The following KIAA1217 variants were observed in gnomAD, a reference collection of about 807,000 sequenced individuals.
KIAA1217 encodes KIAA1217.
KIAA1217 carries 88 observed loss-of-function variants against 163.9 expected under a neutral mutation model. That is an observed-to-expected ratio of 0.54 (90% CI 0.45 to 0.64). The LOEUF is 0.64. Among genes scored for constraint, KIAA1217 ranks in the 30% least tolerant of loss-of-function variants. The pLI, the probability that KIAA1217 is intolerant of heterozygous loss-of-function variation, is 0.00. For missense variants in KIAA1217, 2,372 were observed against 2,475.0 expected (o/e 0.96, Z 0.88); for synonymous variants, 903 against 923.1 (o/e 0.98, Z 0.39).
At chr10:23,809,283 G>A (rs1253582346) in intron 1 of KIAA1217, among the ~76,000 whole-genome samples, 1 of 151,936 alleles carries the variant, frequency 6.6e-6, no homozygotes, top group African/African-American at 2.4e-5. Flanking sequence ...GATAACAAGG[G>A]ACATAGGTTG....
intron 5 of KIAA1217, among the ~76,000 whole-genome samples, chr10:24,452,299 G>T (rs2061432853): frequency 6.6e-6 from 1 of 152,044 alleles, no homozygotes; most frequent in Non-Finnish European, 1.5e-5. Context: ...TGCACCACCG[G>T]TGCTCCCTCA....
chr10:24,114,536 C>G (rs1204306309), intron 2 of KIAA1217, among the ~76,000 whole-genome samples: 4 of 152,140 alleles, frequency 2.6e-5, no homozygotes. Flanking sequence ...TGTATCTTCT[C>G]TGCACCAGGT....
chr10:24,089,427 A>G (rs1679451821), intron 2 of KIAA1217, among the ~76,000 whole-genome samples: 1 of 125,348 alleles, frequency 8.0e-6, no homozygotes, highest in East Asian at 1.9e-4. Context: ...TTATGGTTTT[A>G]GGTCTAACAT....
At chr10:23,795,903 C>T (rs571167857) in intron 1 of KIAA1217, among the ~76,000 whole-genome samples, 1 of 152,308 alleles carries the variant, frequency 6.6e-6, no homozygotes, top group African/African-American at 2.4e-5. Flanking sequence ...CACCTTGTGA[C>T]TCTGACTTGC....
chr10:24,194,872 T>A (rs1466997204), intron 2 of KIAA1217, among the ~76,000 whole-genome samples: 1 of 144,450 alleles, frequency 6.9e-6, no homozygotes, highest in East Asian at 2.2e-4. Flanking sequence ...CCTCCCAAAA[T>A]ACTGGGATTA....
In KIAA1217 at chr10:24,544,595, T is replaced by G. The variant is rs1030239518; in HGVS notation, c.5211+114T>G. On this transcript the variant is annotated intron_variant, in intron 19 of 20. Coordinates refer to ENST00000376454, the MANE Select transcript of KIAA1217 (RefSeq NM_019590.5). ...ATTGCTTTCTTTCAGGTGGCTTTTT[T>G]TTTTTTGTCTGTTCGCCATGAAACC... is the stretch of plus-strand genomic sequence containing the variant. 8 of 1,286,614 alleles carry G rather than the reference T, an allele frequency of 6.2e-6. No homozygotes were observed. In the African/African-American group the frequency reaches 1.0e-4, roughly 17 times the overall value. The allele number at this position is 1,286,614 out of a possible 1,614,324, so 79.7% of individuals were successfully genotyped here.
At chr10:24,501,329 T>G in intron 8 of KIAA1217, 50 bp from the exon 9 acceptor site, 1 of 1,569,150 alleles carries the variant, frequency 6.4e-7, no homozygotes, top group Non-Finnish European at 8.7e-7. Context: ...ATGCATAGCT[T>G]AGACTTTCCT....
chr10:24,298,630 T>G (rs2132640928), intron 2 of KIAA1217, among the ~76,000 whole-genome samples: 1 of 152,116 alleles, frequency 6.6e-6, no homozygotes, highest in South Asian at 2.1e-4. Flanking sequence ...AAACCTCTTC[T>G]CTACTAAATA....
rs147852434 is a variant in KIAA1217, at chr10:23,989,391, A to T, written c.-320-17834A>T. Reference sequence around the variant, plus strand: ...TATGTATTTTTTTATGTTAGCTTTGATAAAGAAGTGGATAGTCATGGAGAA... The same window carrying T: ...TATGTATTTTTTTATGTTAGCTTTGTTAAAGAAGTGGATAGTCATGGAGAA... On this transcript the variant is annotated intron_variant, in intron 1 of 18. Coordinates refer to the KIAA1217 transcript ENST00000376462. 5.8e-3 allele frequency among the ~76,000 whole-genome samples: 879 copies of T among 152,328 alleles called. 13 individuals carry two copies. The highest frequency in any genetic ancestry group is 0.02 in the African/African-American group (844 of 41,578).
At chr10:23,981,627 C>G (rs984674419) in intron 1 of KIAA1217, among the ~76,000 whole-genome samples, 7 of 152,078 alleles carry the variant, frequency 4.6e-5, no homozygotes, top group Non-Finnish European at 1.0e-4. Flanking sequence ...AACAAAGGAG[C>G]TTGTTATTCA....
intron 2 of KIAA1217, among the ~76,000 whole-genome samples, chr10:24,364,100 TC>T (rs1213586076): frequency 1.3e-5 from 2 of 151,790 alleles, no homozygotes; most frequent in Non-Finnish European, 2.9e-5. Flanking sequence ...TGCCTCAGCC[TC>T]CTGAGTAGCT....
At chr10:23,708,413 G>A (rs922766119) in intron 1 of KIAA1217, among the ~76,000 whole-genome samples, 1 of 152,228 alleles carries the variant, frequency 6.6e-6, no homozygotes, top group African/African-American at 2.4e-5. Flanking sequence ...ACAGGTGGAT[G>A]CCCTGAGGCT....
chr10:24,032,651 C>A (rs1848235280), intron 2 of KIAA1217, among the ~76,000 whole-genome samples: 1 of 152,110 alleles, frequency 6.6e-6, no homozygotes, highest in African/African-American at 2.4e-5. Flanking sequence ...AGAGGTCATG[C>A]CCACTAGAGT....
chr10:24,034,713 A>T (rs895270105), intron 2 of KIAA1217, among the ~76,000 whole-genome samples: 2 of 152,178 alleles, frequency 1.3e-5, no homozygotes, highest in African/African-American at 2.4e-5. Context: ...GGCACCTTAC[A>T]CCTCAGGAGA....
intron 2 of KIAA1217, among the ~76,000 whole-genome samples, chr10:24,379,869 T>G (rs1001550716): frequency 6.6e-6 from 1 of 151,940 alleles, no homozygotes; most frequent in African/African-American, 2.4e-5. Context: ...CTAGCCAACG[T>G]GGCAAAACCC....
At chr10:24,184,411 CT>C (rs1262034651) in intron 2 of KIAA1217, among the ~76,000 whole-genome samples, 2 of 152,114 alleles carry the variant, frequency 1.3e-5, no homozygotes, top group South Asian at 2.1e-4. Context: ...TAGATAGTAT[CT>C]TTTTTTGAAA....
chr10:24,011,142 T>C (rs576521083), intron 2 of KIAA1217, among the ~76,000 whole-genome samples: 12 of 152,086 alleles, frequency 7.9e-5, no homozygotes, highest in African/African-American at 2.9e-4. Flanking sequence ...ATTTCATGAG[T>C]AGCATTACCT....
chr10:24,413,622 C>T (rs1032571176), intron 3 of KIAA1217, among the ~76,000 whole-genome samples: 4 of 152,132 alleles, frequency 2.6e-5, no homozygotes, highest in African/African-American at 9.7e-5. Context: ...CTTCTCATTC[C>T]ATTTCTCATC....
intron 1 of KIAA1217, among the ~76,000 whole-genome samples, chr10:23,931,928 T>C (rs1339049379): frequency 6.6e-6 from 1 of 152,076 alleles, no homozygotes; most frequent in Non-Finnish European, 1.5e-5. Flanking sequence ...ACTACCCCCC[T>C]GTCTAAAGGG....
Sources: gnomAD v4.1 joint callset for allele counts (sites outside exome capture counted in the v4.1 genomes callset) on GRCh38, gnomAD v4.1.1 for gene constraint, MANE v1.5 for transcripts, NCBI Gene and HGNC (gene_info 2026-07-23, HGNC 2026-07-21) for gene names.